Variants in ERBB4 observed in about 807,000 individuals in gnomAD.
ERBB4 encodes the protein receptor tyrosine-protein kinase erbB-4.
ERBB4 carries 42 observed loss-of-function variants against 158.0 expected under a neutral mutation model. The observed-to-expected ratio is 0.27, with a 90% confidence interval of 0.21 to 0.34. The LOEUF is 0.34. Among genes scored for constraint, ERBB4 ranks in the 10% least tolerant of loss-of-function variants. ERBB4 has a pLI of 1.00. For missense variants in ERBB4, 1,333 were observed against 1,624.1 expected (o/e 0.82, Z 3.08); for synonymous variants, 583 against 558.7 (o/e 1.04, Z -0.61).
chr2:211,692,386 A>G (rs2072856140), intron 12 of ERBB4, among the ~76,000 whole-genome samples: 2 of 152,196 alleles, frequency 1.3e-5, no homozygotes, highest in Admixed American at 1.3e-4. Context: ...CACTAAAAGA[A>G]TACTGAAATA....
chr2:211,959,600 A>G (rs1364982325), intron 2 of ERBB4, among the ~76,000 whole-genome samples: 1 of 152,030 alleles, frequency 6.6e-6, no homozygotes, highest in African/African-American at 2.4e-5. Context: ...ATTATGAAAC[A>G]TTTTTCTCTA....
chr2:211,958,547 A>C (rs1462054222), intron 2 of ERBB4, among the ~76,000 whole-genome samples: 1 of 152,104 alleles, frequency 6.6e-6, no homozygotes, highest in Non-Finnish European at 1.5e-5. Flanking sequence ...CCTCTGTTTT[A>C]TAAATGAAGT....
intron 1 of ERBB4, among the ~76,000 whole-genome samples, chr2:212,204,976 G>A (rs1469941157): frequency 1.3e-5 from 2 of 151,256 alleles, no homozygotes; most frequent in Non-Finnish European, 2.9e-5. Flanking sequence ...GCACCACCAC[G>A]CCCGGCTAGT....
rs528569897 is a variant in ERBB4 at position 212,104,618 on chromosome 2, A to T, written c.234+20134T>A. 1.2e-4 allele frequency among the ~76,000 whole-genome samples: 18 copies of T among 152,042 alleles called. 1 individual carries two copies. The South Asian group carries it at 3.1e-3, about 26-fold the overall frequency. On this transcript the variant is annotated intron_variant, in intron 2 of 27. Transcript: ENST00000342788. ...AAACTGAGCCACATAGGAGTTAAAGACTCTGCCTAAGTTCATTCAGCTAAT... is the reference window on the plus strand; with the variant it reads ...AAACTGAGCCACATAGGAGTTAAAGTCTCTGCCTAAGTTCATTCAGCTAAT...
At chr2:211,902,895 A>G (rs890823437) in intron 3 of ERBB4, among the ~76,000 whole-genome samples, 1 of 152,002 alleles carries the variant, frequency 6.6e-6, no homozygotes, top group Non-Finnish European at 1.5e-5. Context: ...CCATTTTACT[A>G]TTTAATATAT....
intron 25 of ERBB4, among the ~76,000 whole-genome samples, chr2:211,414,108 C>T (rs757164052): frequency 6.6e-6 from 1 of 152,024 alleles, no homozygotes; most frequent in African/African-American, 2.4e-5. Flanking sequence ...CTCTGGGGAC[C>T]CTTCCCTATC....
chr2:211,614,889 A>T (rs1214330415), intron 19 of ERBB4, among the ~76,000 whole-genome samples: 2 of 152,080 alleles, frequency 1.3e-5, no homozygotes, highest in African/African-American at 4.8e-5. Flanking sequence ...GTTGTGTAAG[A>T]TAAATAAAAT....
chr2:212,316,109 C>T (rs996464059), intron 1 of ERBB4, among the ~76,000 whole-genome samples: 1 of 151,400 alleles, frequency 6.6e-6, no homozygotes, highest in African/African-American at 2.4e-5. Context: ...AAACAATTAT[C>T]CCTGAGAAAA....
chr2:211,624,047 G>A lies in ERBB4; in HGVS notation c.2080-3C>T, dbSNP rs897071492. ...CTGGGAGTTAATGGTTCCACCAACT[G>A]CAAAGCGGAAAGAAGAAGGTTATAC... On this transcript the variant is annotated splice_region_variant and splice_polypyrimidine_tract_variant and intron_variant, in intron 17 of 27. Coordinates refer to ENST00000342788, the MANE Select transcript of ERBB4 (RefSeq NM_005235.3). 5 of 1,613,862 alleles carry A rather than the reference G, an allele frequency of 3.1e-6. No individual in the cohort carries two copies. Among genetic ancestry groups the A allele is most frequent in the Non-Finnish European group, 3.4e-6 (4 of 1,179,934 alleles).
At chr2:212,351,983 A>T (rs1574746969) in intron 1 of ERBB4, among the ~76,000 whole-genome samples, 1 of 152,144 alleles carries the variant, frequency 6.6e-6, no homozygotes, top group Non-Finnish European at 1.5e-5. Context: ...ATACTATGCA[A>T]CCATAAAAAA....
rs1255763778 is a variant in ERBB4, at chr2:212,505,823, A to C, written c.82+32626T>G. ...CCTTTGTTTCTGACTCAGTACTCTC[A>C]TATCTTCTGACACCATCTACGACAC... On this transcript the variant is annotated intron_variant, in intron 1 of 27. Transcript: ENST00000342788. 3.4e-5 allele frequency among the ~76,000 whole-genome samples: 5 copies of C among 148,968 alleles called. 2 individuals are homozygous for C. The highest frequency in any genetic ancestry group is 3.0e-5 in the Non-Finnish European group (2 of 66,038).
intron 3 of ERBB4, among the ~76,000 whole-genome samples, chr2:211,917,130 A>G (rs943798793): frequency 1.3e-5 from 2 of 152,188 alleles, no homozygotes; most frequent in Non-Finnish European, 2.9e-5. Context: ...AGGTCAGGCT[A>G]TAAGTGCCAT....
intron 1 of ERBB4, among the ~76,000 whole-genome samples, chr2:212,199,633 T>A (rs901129702): frequency 2.0e-5 from 3 of 152,234 alleles, no homozygotes; most frequent in African/African-American, 7.2e-5. Flanking sequence ...TGGTTTATCT[T>A]GAGACCAGCT....
At chr2:212,262,150 T>A (rs906043347) in intron 1 of ERBB4, among the ~76,000 whole-genome samples, 2 of 152,198 alleles carry the variant, frequency 1.3e-5, no homozygotes, top group African/African-American at 4.8e-5. Context: ...CAAAATCATT[T>A]TCTATAGGGA....
intron 4 of ERBB4, among the ~76,000 whole-genome samples, chr2:211,751,608 T>G (rs1458055413): frequency 7.9e-5 from 12 of 152,224 alleles, no homozygotes; most frequent in Non-Finnish European, 1.8e-4. Flanking sequence ...TGTTTAATAT[T>G]AATTGTTAAT....
At chr2:211,934,931 A>AAAAAAAAAAAAAAAAAAAAAAAAAAAC (rs1435488546) in intron 3 of ERBB4, among the ~76,000 whole-genome samples, 1 of 149,046 alleles carries the variant, frequency 6.7e-6, no homozygotes, top group Non-Finnish European at 1.5e-5. Context: ...TCAGCTAAAA[A>AAAAAAAAAAAAAAAAAAAAAAAAAAAC]AAAAAAAAAA....
Position 211,565,418 on chromosome 2 carries a change from A to G in ERBB4, c.2302-3330T>C, listed in dbSNP as rs527833680. Among the ~76,000 whole-genome samples the G allele has an allele frequency of 2.6e-5, 4 of 152,304 alleles. No individual in the cohort carries two copies. The South Asian group carries it at 6.2e-4, about 24-fold the overall frequency. On this transcript the variant is annotated intron_variant, in intron 19 of 27. Transcript: ENST00000342788. ...TAAAAAGAAAAAATTAAGACTTCAC[A>G]GTATAAGCATATTATTTAAATGTAT... is the stretch of plus-strand genomic sequence containing the variant.
chr2:212,029,991 T>G (rs2076864134), intron 2 of ERBB4, among the ~76,000 whole-genome samples: 1 of 152,134 alleles, frequency 6.6e-6, no homozygotes, highest in Admixed American at 6.6e-5. Context: ...GATGAGCCAT[T>G]CAGGCATACC....
intron 19 of ERBB4, among the ~76,000 whole-genome samples, chr2:211,598,887 C>T (rs1287712853): frequency 2.0e-5 from 3 of 152,072 alleles, no homozygotes; most frequent in Non-Finnish European, 2.9e-5. Flanking sequence ...ATTTGAGTAA[C>T]GTCACTTGGC....
Sources: gnomAD v4.1 joint callset for allele counts (sites outside exome capture counted in the v4.1 genomes callset) on GRCh38, gnomAD v4.1.1 for gene constraint, MANE v1.5 for transcripts, NCBI Gene and HGNC (gene_info 2026-07-23, HGNC 2026-07-21) for gene names.